SERINC3: variants seen among roughly 807,000 people sequenced by gnomAD.
SERINC3 encodes tumor differentially expressed protein 1.
Under a neutral mutation model 52.1 loss-of-function variants are expected in SERINC3, and 22 were observed. That is an observed-to-expected ratio of 0.42 (90% confidence interval 0.30 to 0.60). The LOEUF (loss-of-function observed/expected upper bound fraction) is 0.60. Ranked by LOEUF, SERINC3 falls within the 20% of genes least tolerant of loss-of-function variation. SERINC3 has a pLI of 0.16. For missense variants in SERINC3, 564 were observed against 584.6 expected (o/e 0.96, Z 0.36); for synonymous variants, 226 against 212.7 (o/e 1.06, Z -0.54).
At chr20:44,519,709 C>G (rs758609003) in intron 1 of SERINC3, among the ~76,000 whole-genome samples, 2 of 151,970 alleles carry the variant, frequency 1.3e-5, no homozygotes, top group Non-Finnish European at 2.9e-5. Context: ...TCACTTGAAT[C>G]CAGGAGTTCA....
chr20:44,517,683 C>T (rs2064388858), intron 1 of SERINC3, among the ~76,000 whole-genome samples: 1 of 152,114 alleles, frequency 6.6e-6, no homozygotes, highest in East Asian at 1.9e-4. Context: ...AGACTTCCAG[C>T]CTCTAGAATT....
chr20:44,500,262 G>GT lies in SERINC3; in HGVS notation c.*33dup. On this transcript the variant is annotated 3_prime_UTR_variant, in exon 10 of 10. Coordinates refer to ENST00000342374, the MANE Select transcript of SERINC3 (RefSeq NM_006811.4). Reference sequence around the variant, plus strand: ...TGGGTTTTCGGTGAAGGAGACCTTTGTGAGTTCCAGTGGTGTCCTTGGCAC... The same window carrying GT: ...TGGGTTTTCGGTGAAGGAGACCTTTGTTGAGTTCCAGTGGTGTCCTTGGCAC... The GT allele has an allele frequency of 6.3e-7, 1 of 1,592,728 alleles. No individual in the cohort carries two copies. The highest frequency in any genetic ancestry group is 8.6e-7 in the Non-Finnish European group (1 of 1,167,056).
At chr20:44,514,470 A>C (rs2064367444) in intron 1 of SERINC3, among the ~76,000 whole-genome samples, 1 of 152,224 alleles carries the variant, frequency 6.6e-6, no homozygotes, top group Non-Finnish European at 1.5e-5. Context: ...TTACAACATA[A>C]AGCAACATGC....
intron 1 of SERINC3, among the ~76,000 whole-genome samples, chr20:44,515,462 A>T (rs2123066148): frequency 6.6e-6 from 1 of 152,374 alleles, no homozygotes; most frequent in East Asian, 1.9e-4. Flanking sequence ...GAAAGGTCAC[A>T]TACTGTATTA....
At chr20:44,509,696 T>A (rs2064335212) in intron 5 of SERINC3, among the ~76,000 whole-genome samples, 195 bp downstream of exon 5, 1 of 150,448 alleles carries the variant, frequency 6.6e-6, no homozygotes, top group Non-Finnish European at 1.5e-5. Context: ...GCCTGGCAAA[T>A]TTTTTTTTTC....
chr20:44,508,183 A>T (rs2064326464), intron 5 of SERINC3, among the ~76,000 whole-genome samples: 1 of 152,340 alleles, frequency 6.6e-6, no homozygotes, highest in East Asian at 1.9e-4. Flanking sequence ...ATGATCCAAA[A>T]TGAATTAAAG....
At chr20:44,505,620 T>C (rs2064306848) in intron 6 of SERINC3, among the ~76,000 whole-genome samples, 1 of 143,442 alleles carries the variant, frequency 7.0e-6, no homozygotes, top group Non-Finnish European at 1.5e-5. Context: ...CACGCCAAGC[T>C]GGAGTTTCGC....
intron 5 of SERINC3, among the ~76,000 whole-genome samples, 194 bp downstream of exon 5, chr20:44,509,697 T>G (rs1274836510): frequency 6.6e-6 from 1 of 151,578 alleles, no homozygotes. Flanking sequence ...CCTGGCAAAT[T>G]TTTTTTTTCT....
At position 44,500,236 on chromosome 20, in the gene SERINC3, A is replaced by G; in HGVS notation, c.*60T>C. The stretch of plus-strand genomic sequence containing the variant: ...TAGTTGAAACAAACTTAAAAGGTAT[A>G]TGGGTTTTCGGTGAAGGAGACCTTT... On this transcript the variant is annotated 3_prime_UTR_variant, in exon 10 of 10. Coordinates refer to ENST00000342374, the MANE Select transcript of SERINC3 (RefSeq NM_006811.4). The G allele has an allele frequency of 6.4e-7, 1 of 1,553,230 alleles. No individual in the cohort carries two copies. The highest frequency in any genetic ancestry group is 8.7e-7 in the Non-Finnish European group (1 of 1,142,870).
intron 1 of SERINC3, among the ~76,000 whole-genome samples, chr20:44,514,976 C>G (rs2064371127): frequency 6.6e-6 from 1 of 152,168 alleles, no homozygotes; most frequent in Admixed American, 6.5e-5. Flanking sequence ...CACGAATATT[C>G]ACAGCACCAC....
intron 5 of SERINC3, among the ~76,000 whole-genome samples, 179 bp from the exon 6 acceptor site, chr20:44,507,175 T>C (rs774461499): frequency 5.3e-5 from 8 of 152,222 alleles, no homozygotes; most frequent in Non-Finnish European, 1.2e-4. Context: ...ATTGGCTTGA[T>C]GTTAAATTCC....
At chr20:44,505,126 GCAT>G in intron 6 of SERINC3, among the ~76,000 whole-genome samples, 1 of 152,290 alleles carries the variant, frequency 6.6e-6, no homozygotes, top group East Asian at 1.9e-4. Context: ...AAATTCCTGT[GCAT>G]CACACAAGGA....
In SERINC3 at chr20:44,499,844, G is replaced by C. The variant is rs6073458; in HGVS notation, c.*452C>G. On this transcript the variant is annotated 3_prime_UTR_variant, in exon 10 of 10. Coordinates refer to ENST00000342374, the MANE Select transcript of SERINC3 (RefSeq NM_006811.4). ...CTGAAGAGTTTAAGCACAAAACACA[G>C]TGCTTGTATCATATAAGTAAGGACT... 6.5e-6 allele frequency: 1 copy of C among 152,992 alleles called. No homozygotes were observed. Among genetic ancestry groups the C allele is most frequent in the African/African-American group, 2.4e-5 (1 of 41,356 alleles). 9.5% of individuals were successfully genotyped at this position (152,992 alleles called of 1,614,324 possible).
chr20:44,509,002 T>C (rs1210061344), intron 5 of SERINC3, among the ~76,000 whole-genome samples: 1 of 152,244 alleles, frequency 6.6e-6, no homozygotes, highest in African/African-American at 2.4e-5. Context: ...AATTCAATAG[T>C]ATGTACTGAA....
At position 44,504,067 on chromosome 20, in the gene SERINC3, C is replaced by A. The variant is rs1054221150; in HGVS notation, c.875-72G>T. 44 of 1,261,880 alleles carry A rather than the reference C, an allele frequency of 3.5e-5. No homozygotes were observed. In the Middle Eastern group the frequency reaches 5.6e-4, roughly 16 times the overall value. 78.2% of individuals were successfully genotyped at this position (1,261,880 alleles called of 1,614,324 possible). ...TTCCAAGAAAGAACTTGAGGAGTTC[C>A]CTACATATCATTCAGTCATGATGTG... On this transcript the variant is annotated intron_variant, in intron 7 of 9. Transcript: ENST00000342374.
Position 44,507,007 on chromosome 20 carries a change from G to A in SERINC3, c.614-11C>T. 6.3e-7 allele frequency: 1 copy of A among 1,582,402 alleles called. No individual in the cohort carries two copies. The highest frequency in any genetic ancestry group is 8.6e-7 in the Non-Finnish European group (1 of 1,166,652). On this transcript the variant is annotated splice_polypyrimidine_tract_variant and intron_variant, in intron 5 of 9. Coordinates refer to ENST00000342374, the MANE Select transcript of SERINC3 (RefSeq NM_006811.4). ...TGAAAGACAGTAAAGCTGGAGAAAG[G>A]GAAACCAATATGAATGACCACAACT... is the stretch of plus-strand genomic sequence containing the variant.
In SERINC3 at chr20:44,511,362, C is replaced by G; in HGVS notation, c.402G>C (p.Trp134Cys). The change falls in exon 4 of 10, where the codon TGG (tryptophan) becomes TGC (cysteine). Residue 134 changes from tryptophan (W) to cysteine (C), a missense_variant. By Grantham distance (215) the Trp-to-Cys change is radical. Coordinates refer to ENST00000342374, the MANE Select transcript of SERINC3 (RefSeq NM_006811.4). ...CAATAAGGGCAGCAATTTTGAAGAA[C>G]CAAAACCTATTAAAATATAAAAATG... ...DLRAAVHNGF[W>C]FFKIAALIGI... 6.2e-7 allele frequency: 1 copy of G among 1,606,046 alleles called. No individual in the cohort carries two copies. Among genetic ancestry groups the G allele is most frequent in the Non-Finnish European group, 8.5e-7 (1 of 1,172,750 alleles).
At chr20:44,502,674 C>T (rs2064287536) in intron 8 of SERINC3, among the ~76,000 whole-genome samples, 1 of 151,562 alleles carries the variant, frequency 6.6e-6, no homozygotes, top group Non-Finnish European at 1.5e-5. Flanking sequence ...TGTAGTAGTA[C>T]AATCACAGCT....
chr20:44,513,887 A>G lies in SERINC3; in HGVS notation c.193T>C (p.Leu65=), dbSNP rs2064363480. The change falls in exon 2 of 10, where the codon TTG becomes CTG. Residue 65 remains leucine (L), a synonymous_variant. Transcript: ENST00000342374. ...GCACTGTTACTTCTTACCTTCTTCAAGTAAGTTTCCATCTCTTTTCTCTGC... is the reference window on the plus strand; with the variant it reads ...GCACTGTTACTTCTTACCTTCTTCAGGTAAGTTTCCATCTCTTTTCTCTGC... ...IMQRKEMETY[L]KKIPGFCEGG... is the part of the protein sequence containing the mutation. 6.2e-7 allele frequency: 1 copy of G among 1,602,728 alleles called. No homozygotes were observed. Among genetic ancestry groups the G allele is most frequent in the Non-Finnish European group, 8.5e-7 (1 of 1,174,446 alleles).
Sources: allele counts gnomAD v4.1 joint callset (sites outside exome capture counted in the v4.1 genomes callset), GRCh38; gene constraint gnomAD v4.1.1; transcripts MANE v1.5; gene names NCBI Gene and HGNC (gene_info 2026-07-23, HGNC 2026-07-21).